OTUD7A: variants seen among roughly 807,000 people sequenced by gnomAD.
OTUD7A encodes the protein OTU domain-containing protein 7A.
In OTUD7A, 12 loss-of-function variants were observed where a neutral mutation model predicts 65.7. The ratio of observed to expected loss-of-function variants is 0.18; its 90% confidence interval spans 0.12 to 0.30. OTUD7A has a LOEUF of 0.30. OTUD7A is among the 10% of genes least tolerant of loss of function. The pLI, the probability that OTUD7A is intolerant of heterozygous loss-of-function variation, is 1.00. For missense variants in OTUD7A, 1,148 were observed against 1,304.8 expected (o/e 0.88, Z 1.85); for synonymous variants, 641 against 586.3 (o/e 1.09, Z -1.35).
intron 1 of OTUD7A, among the ~76,000 whole-genome samples, chr15:31,816,664 G>T (rs1056465451): frequency 6.6e-6 from 1 of 151,886 alleles, no homozygotes; most frequent in African/African-American, 2.4e-5. Flanking sequence ...CTCCAGCCTG[G>T]GTGACAGAGC....
rs567412996 is a variant in OTUD7A, at chr15:31,540,303, C to A, written c.551-9495G>T. On this transcript the variant is annotated intron_variant, in intron 5 of 12. Transcript: ENST00000307050. ...AAAGGAGGTGAAAGACCTGATTTCCCTTTTCAATTCAGAGGTCTGTGCAAT... is the reference window on the plus strand; with the variant it reads ...AAAGGAGGTGAAAGACCTGATTTCCATTTTCAATTCAGAGGTCTGTGCAAT... Among the ~76,000 whole-genome samples the A allele has an allele frequency of 1.2e-4, 19 of 152,282 alleles. No individual in the cohort carries two copies. In the South Asian group the frequency reaches 3.1e-3, roughly 25 times the overall value.
intron 1 of OTUD7A, among the ~76,000 whole-genome samples, chr15:31,728,567 C>T (rs887130807): frequency 9.2e-5 from 14 of 152,102 alleles, no homozygotes; most frequent in Non-Finnish European, 7.3e-5. Context: ...TATTCCTCAT[C>T]CTCCTGCTTT....
chr15:31,857,596 G>A (rs972175870), intron 1 of OTUD7A, among the ~76,000 whole-genome samples: 3 of 151,896 alleles, frequency 2.0e-5, no homozygotes, highest in East Asian at 1.9e-4. Flanking sequence ...GGCAGTCAGC[G>A]CAGCCTGAGC....
chr15:31,681,481 C>CCTT (rs112116137), intron 1 of OTUD7A, among the ~76,000 whole-genome samples: 8,434 of 151,618 alleles, frequency 0.056, 804 homozygotes, highest in African/African-American at 0.19. Context: ...CAATGTTTTT[C>CCTT]CTTGTCTGTA....
At chr15:31,617,942 A>C (rs867796235) in intron 3 of OTUD7A, among the ~76,000 whole-genome samples, 2 of 133,658 alleles carry the variant, frequency 1.5e-5, no homozygotes, top group Non-Finnish European at 3.1e-5. Context: ...GCCCACCCCA[A>C]AACAGGCCCT....
intron 1 of OTUD7A, among the ~76,000 whole-genome samples, chr15:31,726,697 T>C (rs1258576218): frequency 1.3e-5 from 2 of 152,208 alleles, no homozygotes; most frequent in Non-Finnish European, 2.9e-5. Context: ...CATCAGTAAC[T>C]TCATGTGGGC....
chr15:31,830,879 C>T (rs1400222003), intron 1 of OTUD7A, among the ~76,000 whole-genome samples: 1 of 152,206 alleles, frequency 6.6e-6, no homozygotes, highest in Admixed American at 6.5e-5. Context: ...AACTCAATCA[C>T]ATTGGAGCAC....
rs1323201565 is a variant in OTUD7A, at chr15:31,620,026, A to T, written c.151+35070T>A. Among the ~76,000 whole-genome samples the T allele has an allele frequency of 6.6e-5, 10 of 152,260 alleles. 1 individual carries two copies. The South Asian group carries it at 1.5e-3, about 22-fold the overall frequency. ...CTTTTCTGCATCTATTGAGATAATC[A>T]CATGGTTTTTGTCTTTGGTTCTGTT... On this transcript the variant is annotated intron_variant, in intron 3 of 12. Transcript: ENST00000307050.
intron 1 of OTUD7A, among the ~76,000 whole-genome samples, chr15:31,795,678 C>G (rs554329813): frequency 6.6e-6 from 1 of 152,186 alleles, no homozygotes; most frequent in Non-Finnish European, 1.5e-5. Flanking sequence ...CCGGCCTGCA[C>G]GTTCCTGAAA....
At chr15:31,835,651 CACACATAT>C (rs1324518367) in intron 1 of OTUD7A, among the ~76,000 whole-genome samples, 2 of 152,122 alleles carry the variant, frequency 1.3e-5, no homozygotes, top group Non-Finnish European at 2.9e-5. Context: ...CATACGCACA[CACACATAT>C]ACACACATAC....
chr15:31,661,107 C>T (rs1202437038), intron 1 of OTUD7A, among the ~76,000 whole-genome samples: 1 of 152,216 alleles, frequency 6.6e-6, no homozygotes, highest in African/African-American at 2.4e-5. Context: ...TGCATAGATG[C>T]ATGATTGGAA....
At chr15:31,544,882 C>T (rs1888085382) in intron 5 of OTUD7A, among the ~76,000 whole-genome samples, 1 of 151,446 alleles carries the variant, frequency 6.6e-6, no homozygotes, top group Non-Finnish European at 1.5e-5. Flanking sequence ...ATTTATTAAG[C>T]TTAATTATAT....
chr15:31,662,660 A>G (rs1328652445), intron 1 of OTUD7A, among the ~76,000 whole-genome samples: 3 of 152,232 alleles, frequency 2.0e-5, no homozygotes, highest in Non-Finnish European at 2.9e-5. Flanking sequence ...CAAGACCACA[A>G]TCTGAATGCT....
intron 9 of OTUD7A, among the ~76,000 whole-genome samples, chr15:31,503,341 C>A (rs2041501849): frequency 6.6e-6 from 1 of 152,214 alleles, no homozygotes; most frequent in African/African-American, 2.4e-5. Flanking sequence ...GGTGGGAACA[C>A]ACCTGAGTGA....
intron 1 of OTUD7A, among the ~76,000 whole-genome samples, chr15:31,801,108 T>C (rs187574315): frequency 2.8e-5 from 4 of 144,160 alleles, no homozygotes; most frequent in East Asian, 2.0e-4. Context: ...TTCTGGAAAG[T>C]AGATATTCCC....
At chr15:31,806,549 G>A (rs1192557744) in intron 1 of OTUD7A, among the ~76,000 whole-genome samples, 1 of 152,178 alleles carries the variant, frequency 6.6e-6, no homozygotes, top group Admixed American at 6.5e-5. Context: ...GACCCCTCGT[G>A]GAGGGTCTAG....
In OTUD7A at chr15:31,767,876, A is replaced by G. The variant is rs1429217384; in HGVS notation, c.-100+102631T>C. On this transcript the variant is annotated intron_variant, in intron 1 of 12. Transcript: ENST00000307050. ...TGGATGCCTTCGTGGTAGAGTTTTA[A>G]GTGGCAACGTTGCAGGAAATCTGAA... is the stretch of plus-strand genomic sequence containing the variant. 15 of 1,304,794 alleles carry G rather than the reference A, an allele frequency of 1.1e-5. No homozygotes were observed. In the East Asian group the frequency reaches 3.5e-4, roughly 30 times the overall value. 80.8% of individuals were successfully genotyped at this position (1,304,794 alleles called of 1,614,324 possible). A position where few individuals can be genotyped will look rare whatever the true frequency, so the allele number is the denominator to read the frequency against.
intron 4 of OTUD7A, 119 bp downstream of exon 4, chr15:31,569,899 C>T: frequency 9.4e-7 from 1 of 1,061,328 alleles, no homozygotes; most frequent in East Asian, 2.5e-5. Context: ...CACTGAGAGG[C>T]CAATATGTCT....
intron 8 of OTUD7A, among the ~76,000 whole-genome samples, chr15:31,508,962 G>T (rs2041629400): frequency 6.6e-6 from 1 of 152,192 alleles, no homozygotes; most frequent in African/African-American, 2.4e-5. Flanking sequence ...CGGGCTTTGA[G>T]AAAGTTAAGC....
Sources: allele counts gnomAD v4.1 joint callset (sites outside exome capture counted in the v4.1 genomes callset), GRCh38; gene constraint gnomAD v4.1.1; transcripts MANE v1.5; gene names NCBI Gene and HGNC (gene_info 2026-07-23, HGNC 2026-07-21).